PTGER4: variants seen among roughly 807,000 people sequenced by gnomAD.
PTGER4 encodes the protein prostaglandin E receptor 4.
PTGER4 carries 11 observed loss-of-function variants against 33.2 expected under a neutral mutation model. That is an observed-to-expected ratio of 0.33 (90% CI 0.21 to 0.55). PTGER4 has a LOEUF of 0.55. Ranked by LOEUF, PTGER4 falls within the 20% of genes least tolerant of loss-of-function variation. PTGER4 has a pLI of 0.92. For synonymous variants in PTGER4, 275 were observed against 281.5 expected (o/e 0.98, Z 0.23); for missense variants, 481 against 650.2 (o/e 0.74, Z 2.83).
chr5:40,698,557 T>C (rs1741665634), downstream of PTGER4, among the ~76,000 whole-genome samples: 1 of 152,210 alleles, frequency 6.6e-6, no homozygotes, highest in South Asian at 2.1e-4. Flanking sequence ...TATACTGTTC[T>C]TGGGAATACA....
rs1012203748 is a variant in PTGER4 at position 40,692,378 on chromosome 5, A to G, written c.1467A>G (p.Ter489=). Reference sequence around the variant, plus strand: ...TGAACTTATCAGAAAAATGTATATAATAGGCAAGGAAAGAAATACAGTACT... The same window carrying G: ...TGAACTTATCAGAAAAATGTATATAGTAGGCAAGGAAAGAAATACAGTACT... ...ETLNLSEKCI[*] The change falls in exon 3 of 3, where the codon TAA becomes TAG. Residue 489 remains the stop codon, a stop_retained_variant. Transcript: ENST00000302472. 12 of 1,578,560 alleles carry G rather than the reference A, an allele frequency of 7.6e-6. No homozygotes were observed. Among genetic ancestry groups the G allele is most frequent in the Non-Finnish European group, 1.0e-5 (12 of 1,161,436 alleles).
At chr5:40,737,478 T>C in the PTGER4 span, among the ~76,000 whole-genome samples, 3 of 152,102 alleles carry the variant, frequency 2.0e-5, no homozygotes, top group Non-Finnish European at 4.4e-5. Context: ...AACAGCAAAT[T>C]CAGAACACAA....
chr5:40,685,369 A>G (rs1254758022), intron 2 of PTGER4: 1 of 983,842 alleles, frequency 1.0e-6, no homozygotes, highest in African/African-American at 1.7e-5. Flanking sequence ...CTTTGTAAAT[A>G]GATATGCTTT....
the PTGER4 span, among the ~76,000 whole-genome samples, chr5:40,710,007 T>C: frequency 6.6e-6 from 1 of 152,170 alleles, no homozygotes; most frequent in African/African-American, 2.4e-5. Flanking sequence ...ATTCAGGACA[T>C]AGGCATAGGC....
At chr5:40,705,445 C>T in the PTGER4 span, among the ~76,000 whole-genome samples, 1 of 152,242 alleles carries the variant, frequency 6.6e-6, no homozygotes, top group South Asian at 2.1e-4. Flanking sequence ...ACACCAAAAG[C>T]AATTCCAACA....
At chr5:40,686,780 C>G (rs1162069838) in intron 2 of PTGER4, among the ~76,000 whole-genome samples, 2 of 152,086 alleles carry the variant, frequency 1.3e-5, no homozygotes, top group African/African-American at 4.8e-5. Context: ...TGCCTGTGGT[C>G]CCAGCAACTT....
At chr5:40,721,421 G>A in the PTGER4 span, among the ~76,000 whole-genome samples, 1 of 152,124 alleles carries the variant, frequency 6.6e-6, no homozygotes, top group Admixed American at 6.6e-5. Flanking sequence ...TAGACCAATG[G>A]AACAGAATAG....
chr5:40,691,725 T>C lies in PTGER4; in HGVS notation c.868-54T>C. On this transcript the variant is annotated intron_variant, in intron 2 of 2. Coordinates refer to ENST00000302472, the MANE Select transcript of PTGER4 (RefSeq NM_000958.3). This position sits in a 1 kb window ranked among gnomAD's most constrained non-coding sequence, Gnocchi z 4.2. ...TGATAAGGTAGACATAGCATTTATA[T>C]GTTTTCCCAATTGATTAATGATGAA... 3.2e-6 allele frequency: 5 copies of C among 1,557,560 alleles called. No homozygotes were observed. Among genetic ancestry groups the C allele is most frequent in the Non-Finnish European group, 4.3e-6 (5 of 1,152,820 alleles).
downstream of PTGER4, among the ~76,000 whole-genome samples, chr5:40,698,284 T>G (rs1019576848): frequency 6.6e-6 from 1 of 150,982 alleles, no homozygotes; most frequent in Non-Finnish European, 1.5e-5. Context: ...TCTCTAAAAT[T>G]TAATAATAAT....
the PTGER4 span, among the ~76,000 whole-genome samples, chr5:40,735,123 G>A: frequency 6.6e-6 from 1 of 152,214 alleles, no homozygotes; most frequent in Non-Finnish European, 1.5e-5. Context: ...GGTCAGGGAG[G>A]TGGGCCGAAG....
chr5:40,734,677 T>C, the PTGER4 span, among the ~76,000 whole-genome samples: 1 of 152,234 alleles, frequency 6.6e-6, no homozygotes, highest in African/African-American at 2.4e-5. Flanking sequence ...ATGAGCTATA[T>C]AGTTAACAGC....
the PTGER4 span, among the ~76,000 whole-genome samples, chr5:40,725,004 G>A: frequency 1.3e-5 from 2 of 151,872 alleles, no homozygotes; most frequent in Non-Finnish European, 2.9e-5. Flanking sequence ...ACACCACCAT[G>A]CCTGGCTAAT....
chr5:40,711,367 A>T, the PTGER4 span, among the ~76,000 whole-genome samples: 1 of 152,172 alleles, frequency 6.6e-6, no homozygotes, highest in African/African-American at 2.4e-5. Flanking sequence ...TCTAAAATTT[A>T]AAAGACTGAC....
chr5:40,680,878 G>A lies in PTGER4; in HGVS notation c.-43-73G>A. 2 of 1,304,370 alleles carry A rather than the reference G, an allele frequency of 1.5e-6. No homozygotes were observed. Among genetic ancestry groups the A allele is most frequent in the Non-Finnish European group, 2.1e-6 (2 of 951,834 alleles). 80.8% of individuals were successfully genotyped at this position (1,304,370 alleles called of 1,614,324 possible). A position where few individuals can be genotyped will look rare whatever the true frequency, so the allele number is the denominator to read the frequency against. On this transcript the variant is annotated intron_variant, in intron 1 of 2. Coordinates refer to ENST00000302472, the MANE Select transcript of PTGER4 (RefSeq NM_000958.3). This position sits in a 1 kb window ranked among gnomAD's most constrained non-coding sequence, Gnocchi z 5.5. Reference sequence around the variant, plus strand: ...TTGTCTTATCAGTGTATCGTTTCTCGGGCGCGGGTCTAACACCTTACAAGT... The same window carrying A: ...TTGTCTTATCAGTGTATCGTTTCTCAGGCGCGGGTCTAACACCTTACAAGT...
At chr5:40,702,339 G>C in the PTGER4 span, among the ~76,000 whole-genome samples, 1 of 152,112 alleles carries the variant, frequency 6.6e-6, no homozygotes, top group East Asian at 1.9e-4. Context: ...AAGCTACCAA[G>C]CAAATGGAAA....
At chr5:40,709,329 G>A in the PTGER4 span, among the ~76,000 whole-genome samples, 1 of 152,236 alleles carries the variant, frequency 6.6e-6, no homozygotes, top group Admixed American at 6.5e-5. Context: ...AGCAACTTCA[G>A]CAAAGTCTCA....
downstream of PTGER4, among the ~76,000 whole-genome samples, chr5:40,696,968 A>AAG (rs145461385): frequency 5.7e-5 from 6 of 104,566 alleles, no homozygotes; most frequent in Admixed American, 1.8e-4. Flanking sequence ...GAGAGAAAGA[A>AAG]AGAGAGAGAG....
chr5:40,741,906 T>C, the PTGER4 span, among the ~76,000 whole-genome samples: 5 of 152,050 alleles, frequency 3.3e-5, no homozygotes, highest in African/African-American at 1.2e-4. Flanking sequence ...GGAGAACCGC[T>C]TGAGCCTGGG....
At position 40,681,866 on chromosome 5, in the gene PTGER4, T is replaced by TGACC; in HGVS notation, c.867+8_867+11dup. On this transcript the variant is annotated splice_region_variant and intron_variant, in intron 2 of 2. Coordinates refer to ENST00000302472, the MANE Select transcript of PTGER4 (RefSeq NM_000958.3). The surrounding 1 kb of genome is among the most constrained non-coding windows in gnomAD (Gnocchi z 9.8). ...TCTGCTCCATCCCGCTCGTGGTGAG[T>TGACC]GACCGGGGCTGGGGCCCTACTCGGC... 1 of 1,501,558 alleles carries TGACC rather than the reference T, an allele frequency of 6.7e-7. No homozygotes were observed. Among genetic ancestry groups the TGACC allele is most frequent in the Non-Finnish European group, 8.8e-7 (1 of 1,130,202 alleles). The allele number at this position is 1,501,558 out of a possible 1,614,324, so 93.0% of individuals were successfully genotyped here.
Sources: allele counts gnomAD v4.1 joint callset (sites outside exome capture counted in the v4.1 genomes callset), GRCh38; gene constraint gnomAD v4.1.1; non-coding constraint Gnocchi (gnomAD v3.1); transcripts MANE v1.5; gene names NCBI Gene and HGNC (gene_info 2026-07-23, HGNC 2026-07-21).